SPAG16: variants seen among roughly 807,000 people sequenced by gnomAD.
SPAG16 encodes the protein sperm associated antigen 16.
SPAG16 carries 86 observed loss-of-function variants against 80.4 expected under a neutral mutation model. That is an observed-to-expected ratio of 1.07 (90% CI 0.90 to 1.28). The LOEUF (loss-of-function observed/expected upper bound fraction) is 1.28, where lower values mean the gene tolerates loss of function less well. SPAG16 is among the 50% of genes most tolerant of loss of function. SPAG16 has a pLI of 0.00. For synonymous variants in SPAG16, 294 were observed against 265.9 expected (o/e 1.11, Z -1.03); for missense variants, 870 against 765.3 (o/e 1.14, Z -1.61).
At chr2:213,744,975 A>G (rs1211127799) in intron 10 of SPAG16, among the ~76,000 whole-genome samples, 1 of 152,140 alleles carries the variant, frequency 6.6e-6, no homozygotes, top group Non-Finnish European at 1.5e-5. Context: ...ATACTCATTT[A>G]TGGATTTTGG....
At chr2:214,205,584 T>C (rs1408821275) in intron 15 of SPAG16, among the ~76,000 whole-genome samples, 1 of 152,102 alleles carries the variant, frequency 6.6e-6, no homozygotes, top group Non-Finnish European at 1.5e-5. Context: ...ATAAAAAATT[T>C]TGAAGCACAT....
chr2:214,340,000 A>G (rs974092122), intron 15 of SPAG16, among the ~76,000 whole-genome samples: 1 of 152,230 alleles, frequency 6.6e-6, no homozygotes, highest in African/African-American at 2.4e-5. Context: ...CCTGACCCAC[A>G]GAAACTGCAA....
At chr2:214,275,394 G>C (rs1692387625) in intron 15 of SPAG16, among the ~76,000 whole-genome samples, 1 of 152,140 alleles carries the variant, frequency 6.6e-6, no homozygotes, top group South Asian at 2.1e-4. Context: ...AAGTTAGGGT[G>C]CCAATTTTAG....
chr2:213,838,080 A>G (rs1468523022), intron 10 of SPAG16, among the ~76,000 whole-genome samples: 2 of 151,982 alleles, frequency 1.3e-5, no homozygotes, highest in East Asian at 1.9e-4. Flanking sequence ...GTGGTACTGC[A>G]TTTCTAGGCA....
At chr2:213,982,610 G>GGTGTGTGTGT (rs57529616) in intron 12 of SPAG16, among the ~76,000 whole-genome samples, 3,674 of 141,850 alleles carry the variant, frequency 0.026, 57 homozygotes, top group East Asian at 0.056. Flanking sequence ...TATAGTTTCT[G>GGTGTGTGTGT]GTGTGTGTGT....
intron 10 of SPAG16, among the ~76,000 whole-genome samples, chr2:213,839,550 T>C (rs957254353): frequency 6.6e-6 from 1 of 152,184 alleles, no homozygotes; most frequent in Non-Finnish European, 1.5e-5. Context: ...AGTTGCAAAC[T>C]TTGAAAACAT....
At chr2:213,794,529 A>G (rs2070903374) in intron 10 of SPAG16, among the ~76,000 whole-genome samples, 1 of 151,984 alleles carries the variant, frequency 6.6e-6, no homozygotes, top group African/African-American at 2.4e-5. Flanking sequence ...TGTTGATTAT[A>G]TCATTTGTTT....
intron 10 of SPAG16, among the ~76,000 whole-genome samples, chr2:213,833,461 TA>T (rs1350882406): frequency 5.0e-5 from 1 of 19,892 alleles, no homozygotes; most frequent in African/African-American, 2.8e-4. Context: ...ATATTATATA[TA>T]TATTATATAT....
intron 13 of SPAG16, among the ~76,000 whole-genome samples, chr2:214,098,724 C>A (rs2052774989): frequency 6.6e-6 from 1 of 152,014 alleles, no homozygotes; most frequent in African/African-American, 2.4e-5. Flanking sequence ...TATCTGAAAC[C>A]AAAAAGCTGA....
At chr2:214,004,978 A>G (rs1215577060) in intron 12 of SPAG16, among the ~76,000 whole-genome samples, 4 of 152,194 alleles carry the variant, frequency 2.6e-5, no homozygotes, top group African/African-American at 9.7e-5. Context: ...TTATTTAATT[A>G]TGTAAATTGC....
chr2:213,640,005 T>C (rs559186721), intron 10 of SPAG16, among the ~76,000 whole-genome samples: 2 of 152,306 alleles, frequency 1.3e-5, no homozygotes, highest in East Asian at 1.9e-4. Flanking sequence ...CTGAAGGTCT[T>C]CCTTTTACTT....
chr2:213,594,071 G>A (rs1344972363), intron 10 of SPAG16, among the ~76,000 whole-genome samples: 2 of 151,872 alleles, frequency 1.3e-5, no homozygotes, highest in Admixed American at 6.6e-5. Flanking sequence ...CACCGCGCCC[G>A]GCCATCCCTG....
intron 9 of SPAG16, among the ~76,000 whole-genome samples, chr2:213,414,352 T>C (rs911522651): frequency 6.6e-6 from 1 of 152,196 alleles, no homozygotes; most frequent in Non-Finnish European, 1.5e-5. Flanking sequence ...ATTTCTTTAT[T>C]ATTTTAAGAT....
intron 9 of SPAG16, among the ~76,000 whole-genome samples, chr2:213,453,628 GT>G (rs1278673199): frequency 6.6e-6 from 1 of 152,240 alleles, no homozygotes; most frequent in Admixed American, 6.5e-5. Context: ...ACATCTGCCA[GT>G]GGGAGCTGGC....
intron 15 of SPAG16, among the ~76,000 whole-genome samples, chr2:214,266,680 T>C (rs966723283): frequency 6.6e-6 from 1 of 151,704 alleles, no homozygotes; most frequent in Non-Finnish European, 1.5e-5. Flanking sequence ...CATGATGTTA[T>C]AGAAAAAATA....
In SPAG16 at chr2:214,144,210, T is replaced by C. The variant is rs77643890; in HGVS notation, c.1594-4930T>C. ...TAAAAGCTCATGAAATAAATAGTAA[T>C]ATGTTTGGCAATGATATTTGAATAA... On this transcript the variant is annotated intron_variant, in intron 14 of 15. Transcript: ENST00000331683. 8.1e-3 allele frequency among the ~76,000 whole-genome samples: 1,235 copies of C among 152,234 alleles called. 21 individuals are homozygous for C. The highest frequency in any genetic ancestry group is 0.027 in the African/African-American group (1,142 of 41,552).
At chr2:213,837,263 A>G (rs958788156) in intron 10 of SPAG16, among the ~76,000 whole-genome samples, 13 of 152,204 alleles carry the variant, frequency 8.5e-5, no homozygotes, top group African/African-American at 3.1e-4. Context: ...TAAATAGGAG[A>G]AAATTAGAAT....
chr2:214,284,714 A>AG (rs1693217439), intron 15 of SPAG16, among the ~76,000 whole-genome samples: 1 of 152,146 alleles, frequency 6.6e-6, no homozygotes, highest in South Asian at 2.1e-4. Context: ...AAAGTCTTTT[A>AG]GTTTTTCCAA....
chr2:214,145,485 C>A (rs1460088522), intron 14 of SPAG16, among the ~76,000 whole-genome samples: 1 of 151,926 alleles, frequency 6.6e-6, no homozygotes, highest in Non-Finnish European at 1.5e-5. Context: ...ATACTTGATA[C>A]CTATTGCTAA....
Sources: gnomAD v4.1 joint callset for allele counts (sites outside exome capture counted in the v4.1 genomes callset) on GRCh38, gnomAD v4.1.1 for gene constraint, MANE v1.5 for transcripts, NCBI Gene and HGNC (gene_info 2026-07-23, HGNC 2026-07-21) for gene names.